EXOC6: variants seen among roughly 807,000 people sequenced by gnomAD.
EXOC6 encodes SEC15-like 1.
EXOC6 carries 60 observed loss-of-function variants against 112.5 expected under a neutral mutation model. That is an observed-to-expected ratio of 0.53 (90% CI 0.43 to 0.66). EXOC6 has a LOEUF of 0.66. EXOC6 is among the 30% of genes least tolerant of loss of function. The pLI is 0.00. For synonymous variants in EXOC6, 295 were observed against 308.0 expected, an observed-to-expected ratio of 0.96 and a Z score of 0.44; for missense variants, 855 against 957.1, an observed-to-expected ratio of 0.89 and a Z score of 1.41.
chr10:92,974,291 A>T (rs1437819066), intron 18 of EXOC6, 59 bp downstream of exon 18: 2 of 1,237,430 alleles, frequency 1.6e-6, no homozygotes, highest in Non-Finnish European at 2.2e-6. Context: ...ATATTTTAGA[A>T]TTTAGTTTGA....
intron 1 of EXOC6, among the ~76,000 whole-genome samples, chr10:92,887,437 G>A (rs1444017435): frequency 1.7e-5 from 2 of 115,580 alleles, no homozygotes; most frequent in African/African-American, 6.9e-5. Context: ...CGTTCTTATC[G>A]CCCAGGCTGG....
intron 1 of EXOC6, among the ~76,000 whole-genome samples, chr10:92,870,389 A>AT (rs1282205385): frequency 1.3e-5 from 2 of 151,964 alleles, no homozygotes; most frequent in Non-Finnish European, 2.9e-5. Context: ...TGGTCATAGG[A>AT]TTTTTTCTTA....
intron 1 of EXOC6, 87 bp downstream of exon 1, chr10:92,848,721 G>GGGGCGTC: frequency 1.9e-6 from 2 of 1,079,548 alleles, no homozygotes; most frequent in Admixed American, 5.0e-5. Context: ...GCCGCCGGCC[G>GGGGCGTC]CGCGCGAAGC....
rs1442883089 is a variant in EXOC6 at position 92,835,850 on chromosome 10, C to G, written c.86+1026C>G. ...CAAAATAATTACAACTCCATTATAACTATTACATATACCTTTGTCTTATCT... is the reference window on the plus strand; with the variant it reads ...CAAAATAATTACAACTCCATTATAAGTATTACATATACCTTTGTCTTATCT... On this transcript the variant is annotated intron_variant, in intron 1 of 21. Coordinates refer to the EXOC6 transcript ENST00000371552. Among the ~76,000 whole-genome samples, 3 of 152,202 alleles carry G rather than the reference C, an allele frequency of 2.0e-5. No homozygotes were observed. The East Asian group carries it at 5.8e-4, about 29-fold the overall frequency.
At chr10:93,046,142 A>C (rs1845992589) in intron 20 of EXOC6, among the ~76,000 whole-genome samples, 1 of 152,240 alleles carries the variant, frequency 6.6e-6, no homozygotes. Context: ...GTTGATGCCT[A>C]GTATATGCCA....
chr10:92,857,245 T>C (rs1160443606), intron 1 of EXOC6, among the ~76,000 whole-genome samples: 3 of 152,062 alleles, frequency 2.0e-5, no homozygotes, highest in Admixed American at 6.5e-5. Flanking sequence ...ATATTTTAAT[T>C]AGTGATTTTT....
chr10:92,851,435 C>T (rs557688657), intron 1 of EXOC6, among the ~76,000 whole-genome samples: 1 of 152,214 alleles, frequency 6.6e-6, no homozygotes, highest in South Asian at 2.1e-4. Flanking sequence ...CACTTGAGGT[C>T]AGGAGTTTGA....
chr10:92,921,549 A>G (rs6583849), intron 8 of EXOC6, among the ~76,000 whole-genome samples: 4,672 of 151,342 alleles, frequency 0.031, 175 homozygotes, highest in East Asian at 0.15. Context: ...AGCCCAGCCT[A>G]TTTTCTTAGT....
In EXOC6 at chr10:93,014,632, C is replaced by G. The variant is rs561568396; in HGVS notation, c.2169+365C>G. Among the ~76,000 whole-genome samples the G allele has an allele frequency of 8.5e-5, 13 of 152,160 alleles. No homozygotes were observed. In the South Asian group the frequency reaches 2.7e-3, roughly 32 times the overall value. On this transcript the variant is annotated intron_variant, in intron 20 of 21. Coordinates refer to ENST00000260762, the MANE Select transcript of EXOC6 (RefSeq NM_019053.6). Reference sequence around the variant, plus strand: ...TGGTATTAACATTAATGTCAGGACCCAAGTTAAATGTAAATTATTACAACC... The same window carrying G: ...TGGTATTAACATTAATGTCAGGACCGAAGTTAAATGTAAATTATTACAACC...
chr10:93,046,375 A>G (rs559274295), intron 20 of EXOC6, among the ~76,000 whole-genome samples: 2 of 152,356 alleles, frequency 1.3e-5, no homozygotes, highest in South Asian at 4.1e-4. Context: ...ATGTCAATAT[A>G]CTGTGAAAAA....
intron 19 of EXOC6, among the ~76,000 whole-genome samples, chr10:93,009,606 A>G (rs1389125681): frequency 6.6e-6 from 1 of 152,178 alleles, no homozygotes; most frequent in Non-Finnish European, 1.5e-5. Flanking sequence ...GACATAAGCC[A>G]ACCTGCAGGG....
upstream of EXOC6, chr10:92,848,423 C>G (rs935589432): frequency 4.4e-6 from 4 of 901,084 alleles, no homozygotes; most frequent in Non-Finnish European, 5.4e-6. Context: ...CCCGCGCCGC[C>G]GGCCCGAGCG....
chr10:92,949,700 C>G (rs1373712836), intron 14 of EXOC6, among the ~76,000 whole-genome samples: 2 of 151,384 alleles, frequency 1.3e-5, no homozygotes, highest in African/African-American at 4.9e-5. Context: ...TCAAGTGATT[C>G]TCCTGCCTCA....
intron 20 of EXOC6, among the ~76,000 whole-genome samples, chr10:93,051,714 G>T (rs1846297884): frequency 6.6e-6 from 1 of 152,260 alleles, no homozygotes; most frequent in Non-Finnish European, 1.5e-5. Context: ...AATTTAGTAA[G>T]ACCCATTTTT....
intron 8 of EXOC6, among the ~76,000 whole-genome samples, chr10:92,920,362 TA>T (rs1851359497): frequency 6.6e-6 from 1 of 152,354 alleles, no homozygotes; most frequent in African/African-American, 2.4e-5. Flanking sequence ...ACATTGCTCT[TA>T]TTTTTGATTT....
At chr10:92,851,631 C>T (rs562472760) in intron 1 of EXOC6, among the ~76,000 whole-genome samples, 47 of 151,314 alleles carry the variant, frequency 3.1e-4, no homozygotes, top group Admixed American at 4.6e-4. Context: ...GCCTGAGCGA[C>T]GGAGCGAGAC....
At chr10:92,914,653 C>G (rs764809033) in intron 6 of EXOC6, among the ~76,000 whole-genome samples, 4 of 152,120 alleles carry the variant, frequency 2.6e-5, no homozygotes, top group Admixed American at 6.5e-5. Context: ...CCAGTACCAG[C>G]CTCTAGGGGG....
intron 1 of EXOC6, among the ~76,000 whole-genome samples, chr10:92,867,584 T>C (rs147085086): frequency 4.3e-4 from 65 of 152,250 alleles, no homozygotes; most frequent in Admixed American, 7.2e-4. Flanking sequence ...GGCATTTTGG[T>C]AAAACTTCCA....
chr10:92,956,380 T>G lies in EXOC6; in HGVS notation c.1773+666T>G, dbSNP rs545393570. On this transcript the variant is annotated intron_variant, in intron 17 of 21. Coordinates refer to ENST00000260762, the MANE Select transcript of EXOC6 (RefSeq NM_019053.6). ...TCACTTATCTGTAAAATGGGCTTGCTAATTTAACCTTACAGCTCTTTCTAA... is the reference window on the plus strand; with the variant it reads ...TCACTTATCTGTAAAATGGGCTTGCGAATTTAACCTTACAGCTCTTTCTAA... Among the ~76,000 whole-genome samples, 14 of 152,282 alleles carry G rather than the reference T, an allele frequency of 9.2e-5. No individual in the cohort carries two copies. The South Asian group carries it at 2.1e-3, about 23-fold the overall frequency.
Sources: gnomAD v4.1 joint callset for allele counts (sites outside exome capture counted in the v4.1 genomes callset) on GRCh38, gnomAD v4.1.1 for gene constraint, MANE v1.5 for transcripts, NCBI Gene and HGNC (gene_info 2026-07-23, HGNC 2026-07-21) for gene names.